ADAMTS3: variants seen among roughly 807,000 people sequenced by gnomAD.
ADAMTS3 encodes ADAM metallopeptidase with thrombospondin type 1 motif 3.
ADAMTS3 carries 73 observed loss-of-function variants against 129.0 expected under a neutral mutation model. The observed-to-expected ratio is 0.57, with a 90% CI of 0.47 to 0.69. The LOEUF is 0.69. Ranked by LOEUF, ADAMTS3 falls within the 30% of genes least tolerant of loss-of-function variation. The pLI is 0.00. For synonymous variants in ADAMTS3, 477 were observed against 510.8 expected, an observed-to-expected ratio of 0.93 and a Z score of 0.89; for missense variants, 1,457 against 1,514.5, an observed-to-expected ratio of 0.96 and a Z score of 0.63.
chr4:72,339,451 G>A, intron 5 of ADAMTS3, 43 bp downstream of exon 5: 1 of 1,590,692 alleles, frequency 6.3e-7, no homozygotes, highest in Non-Finnish European at 8.6e-7. Context: ...TAAGAGAAGT[G>A]AATTAAAAGA....
intron 4 of ADAMTS3, among the ~76,000 whole-genome samples, chr4:72,357,046 C>T (rs972717782): frequency 5.3e-5 from 8 of 151,696 alleles, no homozygotes; most frequent in African/African-American, 1.9e-4. Flanking sequence ...AGATTTTTAA[C>T]ATTGTTAAAC....
chr4:72,424,099 A>G (rs993465680), intron 3 of ADAMTS3, among the ~76,000 whole-genome samples: 3 of 152,114 alleles, frequency 2.0e-5, no homozygotes, highest in African/African-American at 7.2e-5. Context: ...ACTGTACCCA[A>G]ATATAAACCT....
chr4:72,340,316 AGTGTGTGTGT>A (rs35463239), intron 4 of ADAMTS3, among the ~76,000 whole-genome samples: 4 of 147,338 alleles, frequency 2.7e-5, no homozygotes, highest in Non-Finnish European at 6.0e-5. Flanking sequence ...TATATACATA[AGTGTGTGTGT>A]GTGTGTGTGT....
chr4:72,557,754 T>G (rs1302069810), intron 2 of ADAMTS3, among the ~76,000 whole-genome samples: 2 of 151,746 alleles, frequency 1.3e-5, no homozygotes, highest in Non-Finnish European at 2.9e-5. Flanking sequence ...TAAGAGAAGA[T>G]ATTTCAAAAA....
At chr4:72,545,467 C>G (rs189734323) in intron 3 of ADAMTS3, among the ~76,000 whole-genome samples, 1 of 152,246 alleles carries the variant, frequency 6.6e-6, no homozygotes, top group East Asian at 1.9e-4. Context: ...TTCTTCCAGA[C>G]TAATTAAACT....
At chr4:72,477,947 A>G (rs758179818) in intron 3 of ADAMTS3, among the ~76,000 whole-genome samples, 18 of 152,340 alleles carry the variant, frequency 1.2e-4, no homozygotes, top group South Asian at 6.2e-4. Flanking sequence ...CCTAGAAGAA[A>G]TGGATAAATT....
intron 3 of ADAMTS3, among the ~76,000 whole-genome samples, chr4:72,488,185 T>C (rs150569007): frequency 3.3e-5 from 5 of 152,092 alleles, no homozygotes; most frequent in Admixed American, 1.3e-4. Flanking sequence ...TTTGTGGTCT[T>C]GATTTAATAG....
chr4:72,531,526 G>C (rs764354930), intron 3 of ADAMTS3, among the ~76,000 whole-genome samples: 34 of 152,136 alleles, frequency 2.2e-4, no homozygotes, highest in Non-Finnish European at 3.4e-4. Flanking sequence ...ATGCAGGAGA[G>C]GGTTGGGTAA....
At chr4:72,322,933 TAG>T in intron 6 of ADAMTS3, 79 bp downstream of exon 6, 1 of 1,108,746 alleles carries the variant, frequency 9.0e-7, no homozygotes, top group Non-Finnish European at 1.4e-6. Context: ...TGCCTTAAGT[TAG>T]ATGTAGCTTG....
At chr4:72,476,527 T>A (rs927566832) in intron 3 of ADAMTS3, among the ~76,000 whole-genome samples, 1 of 152,106 alleles carries the variant, frequency 6.6e-6, no homozygotes, top group African/African-American at 2.4e-5. Context: ...AATGGAGAAT[T>A]CTACCAAATG....
chr4:72,467,659 T>C (rs1450080761), intron 3 of ADAMTS3, among the ~76,000 whole-genome samples: 1 of 152,108 alleles, frequency 6.6e-6, no homozygotes, highest in African/African-American at 2.4e-5. Context: ...CTACTGTTTA[T>C]TCTTTAAGTC....
At chr4:72,506,314 C>T (rs939727247) in intron 3 of ADAMTS3, among the ~76,000 whole-genome samples, 1 of 152,194 alleles carries the variant, frequency 6.6e-6, no homozygotes, top group Non-Finnish European at 1.5e-5. Flanking sequence ...GGGCACCCAG[C>T]AATGGCACAT....
At chr4:72,440,709 C>A (rs1718090593) in intron 3 of ADAMTS3, among the ~76,000 whole-genome samples, 1 of 151,676 alleles carries the variant, frequency 6.6e-6, no homozygotes, top group Non-Finnish European at 1.5e-5. Flanking sequence ...CAGCACAGTG[C>A]AGCTGAGAAC....
At chr4:72,534,474 T>C (rs571522995) in intron 3 of ADAMTS3, among the ~76,000 whole-genome samples, 1 of 152,348 alleles carries the variant, frequency 6.6e-6, no homozygotes, top group African/African-American at 2.4e-5. Flanking sequence ...CATTGTTTCA[T>C]AAGACTGGAC....
At chr4:72,553,405 T>C (rs1721690003) in intron 2 of ADAMTS3, among the ~76,000 whole-genome samples, 1 of 152,180 alleles carries the variant, frequency 6.6e-6, no homozygotes, top group African/African-American at 2.4e-5. Flanking sequence ...TCTCTTTGGA[T>C]ATTCATAGAA....
chr4:72,387,905 T>A (rs1031411335), intron 4 of ADAMTS3, among the ~76,000 whole-genome samples: 1 of 152,160 alleles, frequency 6.6e-6, no homozygotes, highest in African/African-American at 2.4e-5. Context: ...TAAAGAGTGC[T>A]ATTTAGCAAC....
intron 3 of ADAMTS3, among the ~76,000 whole-genome samples, chr4:72,509,314 T>C (rs1366291381): frequency 6.8e-6 from 1 of 148,114 alleles, no homozygotes; most frequent in Non-Finnish European, 1.5e-5. Context: ...AAAGAAAAAA[T>C]ACAAAAGATC....
At chr4:72,484,418 C>A (rs1263296701) in intron 3 of ADAMTS3, among the ~76,000 whole-genome samples, 2 of 152,126 alleles carry the variant, frequency 1.3e-5, no homozygotes, top group South Asian at 4.1e-4. Context: ...CTCAAATATT[C>A]CCTTAGTACA....
In ADAMTS3 at chr4:72,529,978, A is replaced by ATATATAATATATTATATTTATATACAAT. The variant is rs372655516; in HGVS notation, c.504+18499_504+18500insATTGTATATAAATATAATATATTATATA. Among the ~76,000 whole-genome samples, 4 of 6,724 alleles carry ATATATAATATATTATATTTATATACAAT rather than the reference A, an allele frequency of 5.9e-4. 1 individual carries two copies. Among genetic ancestry groups the ATATATAATATATTATATTTATATACAAT allele is most frequent in the Non-Finnish European group, 9.0e-4 (4 of 4,450 alleles). 4.4% of individuals were successfully genotyped at this position (6,724 alleles called of 152,430 possible). A position where few individuals can be genotyped will look rare whatever the true frequency, so the allele number is the denominator to read the frequency against. ...ATATAATATATTATATTTATATATA[A>ATATATAATATATTATATTTATATACAAT]ATATAATATATTATATTTATATATA... On this transcript the variant is annotated intron_variant, in intron 3 of 21. Coordinates refer to ENST00000286657, the MANE Select transcript of ADAMTS3 (RefSeq NM_014243.3).
Sources: allele counts gnomAD v4.1 joint callset (sites outside exome capture counted in the v4.1 genomes callset), GRCh38; gene constraint gnomAD v4.1.1; transcripts MANE v1.5; gene names NCBI Gene and HGNC (gene_info 2026-07-23, HGNC 2026-07-21).